Variants in TAB2 observed in about 807,000 individuals in gnomAD.
TAB2 encodes the protein TGF-beta activated kinase 1 (MAP3K7) binding protein 2, also known as TGF-beta-activated kinase 1 and MAP3K7-binding protein 2.
In TAB2, 3 loss-of-function variants were observed where a neutral mutation model predicts 65.0. That is an observed-to-expected ratio of 0.05 (90% CI 0.02 to 0.12). The LOEUF is 0.12. Ranked by LOEUF, TAB2 falls within the 10% of genes least tolerant of loss-of-function variation. The pLI is 1.00. For synonymous variants in TAB2, 298 were observed against 285.1 expected (o/e 1.05, Z -0.46); for missense variants, 623 against 840.3 (o/e 0.74, Z 3.20).
chr6:149,260,866 T>C (rs949263823), intron 1 of TAB2, among the ~76,000 whole-genome samples: 4 of 152,214 alleles, frequency 2.6e-5, no homozygotes, highest in African/African-American at 9.6e-5. Context: ...AACAAAACCT[T>C]CGTTTCCCAC....
At chr6:149,362,263 G>T (rs1406700848) in intron 1 of TAB2, among the ~76,000 whole-genome samples, 2 of 152,170 alleles carry the variant, frequency 1.3e-5, no homozygotes, top group East Asian at 3.8e-4. Context: ...GGTTTAATCG[G>T]CTCATGGTTC....
rs545065030 is a variant in TAB2, at chr6:149,401,613, A to G, written c.1939+2429A>G. ...TTGACAGCAATAGTAGGAGACTTCA[A>G]TACCCCCCTTACAATAATAGAATAT... is the stretch of plus-strand genomic sequence containing the variant. On this transcript the variant is annotated intron_variant, in intron 6 of 6. Coordinates refer to ENST00000637181, the MANE Select transcript of TAB2 (RefSeq NM_001292034.3). Among the ~76,000 whole-genome samples the G allele has an allele frequency of 1.1e-4, 17 of 152,298 alleles. No homozygotes were observed. The South Asian group carries it at 3.3e-3, about 30-fold the overall frequency.
intron 3 of TAB2, among the ~76,000 whole-genome samples, chr6:149,396,269 C>T (rs929024433): frequency 6.6e-6 from 1 of 152,210 alleles, no homozygotes; most frequent in African/African-American, 2.4e-5. Flanking sequence ...CCACCCTTCT[C>T]GGCCTCCCCA....
At chr6:149,401,446 T>C (rs892237284) in intron 6 of TAB2, among the ~76,000 whole-genome samples, 2 of 152,034 alleles carry the variant, frequency 1.3e-5, no homozygotes, top group Non-Finnish European at 2.9e-5. Flanking sequence ...GATTTTTAAG[T>C]CTAAAACTTG....
intron 2 of TAB2, among the ~76,000 whole-genome samples, chr6:149,374,762 C>T (rs1781345830): frequency 6.6e-6 from 1 of 152,176 alleles, no homozygotes; most frequent in Non-Finnish European, 1.5e-5. Context: ...GACTTCATCA[C>T]ATCCCTAGAT....
intron 1 of TAB2, among the ~76,000 whole-genome samples, chr6:149,276,262 T>C (rs1243535247): frequency 6.6e-6 from 1 of 152,214 alleles, no homozygotes; most frequent in Non-Finnish European, 1.5e-5. Flanking sequence ...GGACAATTTA[T>C]CACAAAGGCA....
chr6:149,257,899 A>G (rs1235560800), intron 1 of TAB2, among the ~76,000 whole-genome samples: 1 of 152,308 alleles, frequency 6.6e-6, no homozygotes, highest in Non-Finnish European at 1.5e-5. Context: ...CGACGGGTAC[A>G]CAGACTGGTC....
intron 3 of TAB2, among the ~76,000 whole-genome samples, chr6:149,390,481 G>A (rs1209138921): frequency 1.3e-5 from 2 of 152,072 alleles, no homozygotes; most frequent in African/African-American, 4.8e-5. Flanking sequence ...GGAGAAATTT[G>A]ACATTATTTA....
chr6:149,353,974 T>C (rs555113577), intron 1 of TAB2, among the ~76,000 whole-genome samples: 232 of 152,344 alleles, frequency 1.5e-3, no homozygotes, highest in African/African-American at 5.4e-3. Context: ...GTTATATTTA[T>C]GCATAAAAGT....
intron 1 of TAB2, among the ~76,000 whole-genome samples, chr6:149,226,113 A>G (rs185985947): frequency 3.5e-4 from 53 of 152,242 alleles, no homozygotes; most frequent in Admixed American, 2.8e-3. Context: ...AGGGGCTCTC[A>G]TTAAACTGGG....
chr6:149,260,644 T>G (rs747220960), intron 1 of TAB2, among the ~76,000 whole-genome samples: 157 of 152,222 alleles, frequency 1.0e-3, no homozygotes, highest in Non-Finnish European at 1.8e-3. Flanking sequence ...TCCACATCTG[T>G]GAAGGTCAAA....
chr6:149,312,034 A>C (rs1015548458), intron 1 of TAB2, among the ~76,000 whole-genome samples: 4 of 152,240 alleles, frequency 2.6e-5, no homozygotes, highest in Non-Finnish European at 4.4e-5. Flanking sequence ...AGAGATGAGA[A>C]GATTAGCTCA....
At chr6:149,236,479 C>T (rs1777497316) in intron 1 of TAB2, among the ~76,000 whole-genome samples, 1 of 152,176 alleles carries the variant, frequency 6.6e-6, no homozygotes, top group Non-Finnish European at 1.5e-5. Context: ...TTCCTTATTC[C>T]CCATTGCCAA....
intron 1 of TAB2, chr6:149,342,600 T>A (rs906088111): frequency 6.6e-6 from 1 of 152,210 alleles, no homozygotes; most frequent in East Asian, 1.9e-4. Flanking sequence ...ACTACCTTAC[T>A]GCTATTACAT....
chr6:149,379,259 A>G lies in TAB2; in HGVS notation c.1344A>G (p.Ala448=), dbSNP rs1781522719. 6.2e-7 allele frequency: 1 copy of G among 1,614,070 alleles called. No homozygotes were observed. The highest frequency in any genetic ancestry group is 8.5e-7 in the Non-Finnish European group (1 of 1,180,046). Residue 448 remains alanine (A), a synonymous_variant, in exon 3 of 7, where the codon GCA becomes GCG. Transcript: ENST00000637181. ...GTCGAGCAATAGGCAATAACTCTGCAACCTCTCCTCGAGTGGTAGTCACTC... is the reference window on the plus strand; with the variant it reads ...GTCGAGCAATAGGCAATAACTCTGCGACCTCTCCTCGAGTGGTAGTCACTC... The part of the protein sequence containing the change: ...PKSRAIGNNS[A]TSPRVVVTQP...
rs1387888580 is a variant in TAB2, at chr6:149,410,955, A to G, written c.*1236A>G. The G allele has an allele frequency of 2.6e-5, 4 of 152,588 alleles. No homozygotes were observed. The highest frequency in any genetic ancestry group is 7.2e-5 in the African/African-American group (3 of 41,448). The allele number at this position is 152,588 out of a possible 1,614,324, so 9.5% of individuals were successfully genotyped here. A position where few individuals can be genotyped will look rare whatever the true frequency, so the allele number is the denominator to read the frequency against. ...CCATTTCTAATCCTGACTTGGTGACAGTATCATGTGTATTTATAAAACAAG... is the reference window on the plus strand; with the variant it reads ...CCATTTCTAATCCTGACTTGGTGACGGTATCATGTGTATTTATAAAACAAG... On this transcript the variant is annotated 3_prime_UTR_variant, in exon 7 of 7. Transcript: ENST00000637181.
intron 1 of TAB2, among the ~76,000 whole-genome samples, chr6:149,284,853 A>G (rs955789374): frequency 3.3e-5 from 5 of 152,042 alleles, no homozygotes; most frequent in Admixed American, 2.6e-4. Context: ...TAGCCCTGAG[A>G]TTGGTTAAGT....
intron 1 of TAB2, chr6:149,243,319 A>G (rs1225986225): frequency 6.6e-6 from 1 of 152,264 alleles, no homozygotes; most frequent in Non-Finnish European, 1.5e-5. Context: ...ATACAGGGTG[A>G]CATAAAAATA....
chr6:149,262,644 C>T (rs1479555693), intron 1 of TAB2, among the ~76,000 whole-genome samples: 1 of 152,080 alleles, frequency 6.6e-6, no homozygotes, highest in African/African-American at 2.4e-5. Context: ...CAAATCCTTG[C>T]CATTTAGTGA....
Sources: gnomAD v4.1 joint callset for allele counts (sites outside exome capture counted in the v4.1 genomes callset) on GRCh38, gnomAD v4.1.1 for gene constraint, MANE v1.5 for transcripts, NCBI Gene and HGNC (gene_info 2026-07-23, HGNC 2026-07-21) for gene names.